Variants in RGS6 observed in about 807,000 individuals in gnomAD.
RGS6 encodes regulator of G protein signaling 6, also known as regulator of G-protein signaling 6.
RGS6 carries 30 observed loss-of-function variants against 78.5 expected under a neutral mutation model. The ratio of observed to expected loss-of-function variants is 0.38; its 90% CI spans 0.29 to 0.52. The LOEUF is 0.52. Among genes scored for constraint, RGS6 ranks in the 20% least tolerant of loss-of-function variants. The probability of loss-of-function intolerance (pLI) is 0.85; values close to 1 mark genes in which losing one functional copy is unlikely to be tolerated. For missense variants in RGS6, 495 were observed against 609.7 expected (o/e 0.81, Z 1.98); for synonymous variants, 206 against 206.0 (o/e 1.00, Z 0.00).
At chr14:71,904,477 C>T in the RGS6 span, among the ~76,000 whole-genome samples, 1 of 152,196 alleles carries the variant, frequency 6.6e-6, no homozygotes, top group Non-Finnish European at 1.5e-5. Context: ...AAGATACCTT[C>T]CCCACAAGGG....
rs143259930 is a variant in RGS6, at chr14:72,117,156, T to C, written c.84+152281T>C. ...TGCCCAGGTCCTGGAGGGGAACAAA[T>C]GTGGCATGTTGAAATAGCAAAAAGG... is the stretch of plus-strand genomic sequence containing the variant. On this transcript the variant is annotated intron_variant, in intron 2 of 17. Coordinates refer to ENST00000553525, the MANE Select transcript of RGS6 (RefSeq NM_001204424.2). Among the ~76,000 whole-genome samples, 1,098 of 152,006 alleles carry C rather than the reference T, an allele frequency of 7.2e-3. 38 individuals carry two copies. Among genetic ancestry groups the C allele is most frequent in the Admixed American group, 0.063 (957 of 15,266 alleles).
chr14:72,558,501 G>A (rs2097619576), intron 17 of RGS6, among the ~76,000 whole-genome samples: 1 of 152,208 alleles, frequency 6.6e-6, no homozygotes, highest in Non-Finnish European at 1.5e-5. Flanking sequence ...ATATGTGGAA[G>A]TGCAATGCAC....
chr14:72,151,366 C>A (rs1025963036), intron 2 of RGS6, among the ~76,000 whole-genome samples: 2 of 152,198 alleles, frequency 1.3e-5, no homozygotes, highest in Non-Finnish European at 1.5e-5. Flanking sequence ...TCAGGCCTTC[C>A]TGACATTATC....
intron 2 of RGS6, among the ~76,000 whole-genome samples, chr14:72,181,011 C>T (rs1488646219): frequency 6.6e-6 from 1 of 152,142 alleles, no homozygotes; most frequent in Non-Finnish European, 1.5e-5. Context: ...TATTATAACT[C>T]TCTCCTTCTA....
chr14:72,597,248 G>A, the RGS6 span, among the ~76,000 whole-genome samples: 62,169 of 149,638 alleles, frequency 0.42, 13,860 homozygotes, highest in East Asian at 0.75. Flanking sequence ...CAAAAAAAAA[G>A]AAAGAGAGAG....
At position 72,290,440 on chromosome 14, in the gene RGS6, C is replaced by T. The variant is rs577234700; in HGVS notation, c.85-61655C>T. On this transcript the variant is annotated intron_variant, in intron 2 of 17. Coordinates refer to ENST00000553525, the MANE Select transcript of RGS6 (RefSeq NM_001204424.2). ...AGTTTTTCTTCTGACCTTCTGCCAG[C>T]CCTCTTCCTTCCTCAGCTTCCTTCC... 2.0e-5 allele frequency among the ~76,000 whole-genome samples: 3 copies of T among 152,316 alleles called. No homozygotes were observed. In the South Asian group the frequency reaches 6.2e-4, roughly 32 times the overall value.
intron 1 of RGS6, among the ~76,000 whole-genome samples, chr14:71,936,470 CTG>C (rs1455932685): frequency 3.3e-5 from 5 of 152,162 alleles, no homozygotes; most frequent in South Asian, 2.1e-4. Context: ...GATCAATACT[CTG>C]TATCTCTCAA....
chr14:72,002,493 G>A (rs2153223107), intron 2 of RGS6, among the ~76,000 whole-genome samples: 1 of 152,222 alleles, frequency 6.6e-6, no homozygotes, highest in South Asian at 2.1e-4. Context: ...CCCAGAAGCA[G>A]AAACCACAGT....
chr14:72,039,997 G>A (rs955030935), intron 2 of RGS6, among the ~76,000 whole-genome samples: 6 of 151,456 alleles, frequency 4.0e-5, no homozygotes, highest in African/African-American at 7.3e-5. Context: ...TACATCCCCC[G>A]TCCTACTTTG....
chr14:72,453,979 T>C (rs1326210527), intron 3 of RGS6, among the ~76,000 whole-genome samples: 1 of 152,228 alleles, frequency 6.6e-6, no homozygotes, highest in Non-Finnish European at 1.5e-5. Flanking sequence ...ACTCAGTCCA[T>C]ATCTAAGTGC....
chr14:72,623,939 A>G, the RGS6 span, among the ~76,000 whole-genome samples: 3 of 152,216 alleles, frequency 2.0e-5, no homozygotes, highest in Admixed American at 1.3e-4. Flanking sequence ...TAAGGAAGCT[A>G]TCAAATACTA....
chr14:72,554,223 C>T (rs185428564), intron 17 of RGS6, among the ~76,000 whole-genome samples: 164 of 152,366 alleles, frequency 1.1e-3, no homozygotes, highest in Non-Finnish European at 2.0e-3. Flanking sequence ...GCCTTTTCAG[C>T]TGGCTAAACC....
intron 14 of RGS6, among the ~76,000 whole-genome samples, chr14:72,512,464 G>A (rs188762452): frequency 1.1e-3 from 164 of 152,274 alleles, no homozygotes; most frequent in Middle Eastern, 3.4e-3. Context: ...CACCTCCTGC[G>A]CCTCTGCCAG....
intron 2 of RGS6, among the ~76,000 whole-genome samples, chr14:72,348,109 T>G (rs1227998801): frequency 6.6e-6 from 1 of 152,216 alleles, no homozygotes; most frequent in African/African-American, 2.4e-5. Context: ...CTCACTGGGT[T>G]CATGCCTCTG....
At chr14:72,258,239 C>T (rs1041922260) in intron 2 of RGS6, among the ~76,000 whole-genome samples, 1 of 152,220 alleles carries the variant, frequency 6.6e-6, no homozygotes, top group Non-Finnish European at 1.5e-5. Context: ...CACCACTATA[C>T]ACCACTTAAT....
intron 15 of RGS6, among the ~76,000 whole-genome samples, chr14:72,532,280 C>T (rs1598793123): frequency 6.6e-6 from 1 of 152,120 alleles, no homozygotes; most frequent in East Asian, 1.9e-4. Flanking sequence ...ATTGTAATTG[C>T]TCTGGGGGTG....
chr14:71,907,747 G>A, the RGS6 span, among the ~76,000 whole-genome samples: 1 of 152,110 alleles, frequency 6.6e-6, no homozygotes, highest in South Asian at 2.1e-4. Context: ...TGCAAGAAAT[G>A]ATGGCAGCTT....
intron 3 of RGS6, among the ~76,000 whole-genome samples, chr14:72,392,924 T>C (rs2090366361): frequency 6.6e-6 from 1 of 152,182 alleles, no homozygotes; most frequent in African/African-American, 2.4e-5. Context: ...CAGCAGCTAA[T>C]AACATTACAA....
intron 2 of RGS6, among the ~76,000 whole-genome samples, chr14:72,082,665 A>G (rs2094872751): frequency 6.6e-6 from 1 of 152,084 alleles, no homozygotes; most frequent in African/African-American, 2.4e-5. Flanking sequence ...TATGTCAATT[A>G]TAAATAAAAA....
Sources: allele counts gnomAD v4.1 joint callset (sites outside exome capture counted in the v4.1 genomes callset), GRCh38; gene constraint gnomAD v4.1.1; transcripts MANE v1.5; gene names NCBI Gene and HGNC (gene_info 2026-07-23, HGNC 2026-07-21).